NRG1: variants seen among roughly 807,000 people sequenced by gnomAD.
NRG1 encodes neuregulin 1, also known as pro-neuregulin-1, membrane-bound isoform.
In NRG1, 18 loss-of-function variants were observed where a neutral mutation model predicts 63.8. The ratio of observed to expected loss-of-function variants is 0.28; its 90% confidence interval spans 0.19 to 0.42. The LOEUF is 0.42. Among genes scored for constraint, NRG1 ranks in the 10% least tolerant of loss-of-function variants. The pLI, the probability that NRG1 is intolerant of heterozygous loss-of-function variation, is 1.00. For missense variants in NRG1, 762 were observed against 814.7 expected (o/e 0.94, Z 0.79); for synonymous variants, 302 against 301.3 (o/e 1.00, Z -0.02).
At chr8:32,259,445 C>T (rs777036811) in intron 1 of NRG1, among the ~76,000 whole-genome samples, 14 of 152,142 alleles carry the variant, frequency 9.2e-5, no homozygotes, top group Non-Finnish European at 1.6e-4. Flanking sequence ...TTCATCCTTC[C>T]ACCTTCTGCC....
intron 1 of NRG1, among the ~76,000 whole-genome samples, chr8:32,070,614 A>T (rs1294851943): frequency 1.3e-5 from 2 of 151,900 alleles, no homozygotes; most frequent in Non-Finnish European, 2.9e-5. Context: ...TGCTACTGTT[A>T]TTTCTACTTC....
intron 1 of NRG1, among the ~76,000 whole-genome samples, chr8:32,274,222 A>C (rs1851847377): frequency 6.6e-6 from 1 of 152,204 alleles, no homozygotes; most frequent in Admixed American, 6.5e-5. Flanking sequence ...CTCCTTGTGC[A>C]GTTATGTTAC....
chr8:31,759,036 G>T lies in NRG1; in HGVS notation c.37+119605G>T, dbSNP rs967677138. ...TTGGATAACTTTTCTTCTGCTTATT[G>T]GCTACTTACACATCTTCCTTTGTAA... is the stretch of plus-strand genomic sequence containing the variant. On this transcript the variant is annotated intron_variant, in intron 1 of 10. Coordinates refer to the NRG1 transcript ENST00000519301. Among the ~76,000 whole-genome samples the T allele has an allele frequency of 4.6e-5, 7 of 152,096 alleles. No individual in the cohort carries two copies. In the East Asian group the frequency reaches 1.4e-3, roughly 29 times the overall value.
Position 31,824,008 on chromosome 8 carries a change from A to G in NRG1, c.37+184577A>G, listed in dbSNP as rs188272785. Among the ~76,000 whole-genome samples the G allele has an allele frequency of 3.9e-3, 583 of 151,338 alleles. 1 individual carries two copies. Among genetic ancestry groups the G allele is most frequent in the Middle Eastern group, 0.02 (6 of 294 alleles). On this transcript the variant is annotated intron_variant, in intron 1 of 10. Transcript: ENST00000519301. ...AGCTTTTAGCAGTTTCTCTTCTTCT[A>G]TTTCTTTTTTTTTATATTTTTTATT... is the stretch of plus-strand genomic sequence containing the variant.
intron 1 of NRG1, among the ~76,000 whole-genome samples, chr8:31,842,170 T>G (rs1159549902): frequency 6.6e-6 from 1 of 152,260 alleles, no homozygotes; most frequent in Non-Finnish European, 1.5e-5. Flanking sequence ...CTAGGTTCCC[T>G]AATTGTTGGA....
chr8:32,230,253 G>A lies in NRG1; in HGVS notation c.38-365575G>A, dbSNP rs1404546989. On this transcript the variant is annotated intron_variant, in intron 1 of 10. Coordinates refer to the NRG1 transcript ENST00000519301. Reference sequence around the variant, plus strand: ...AATCAAAGTGTGCTAAGGTCAGCTTGGGGCAGCCAACAATTCCTGGAAGGT... The same window carrying A: ...AATCAAAGTGTGCTAAGGTCAGCTTAGGGCAGCCAACAATTCCTGGAAGGT... Among the ~76,000 whole-genome samples the A allele has an allele frequency of 2.6e-5, 4 of 152,182 alleles. No homozygotes were observed. The East Asian group carries it at 7.7e-4, about 29-fold the overall frequency.
intron 1 of NRG1, among the ~76,000 whole-genome samples, chr8:32,498,118 C>T (rs1016886683): frequency 5.9e-5 from 9 of 152,114 alleles, no homozygotes; most frequent in East Asian, 1.9e-4. Flanking sequence ...CCACTGTGCC[C>T]GGCCCCACAA....
At chr8:32,383,914 G>C (rs565332690) in intron 1 of NRG1, among the ~76,000 whole-genome samples, 23 of 152,270 alleles carry the variant, frequency 1.5e-4, no homozygotes, top group African/African-American at 5.5e-4. Flanking sequence ...TAGCCCACAG[G>C]ATGATATGTA....
At chr8:32,342,845 G>A (rs1459612318) in intron 1 of NRG1, among the ~76,000 whole-genome samples, 1 of 152,092 alleles carries the variant, frequency 6.6e-6, no homozygotes, top group Non-Finnish European at 1.5e-5. Flanking sequence ...GAATAAATGA[G>A]GTGTCACCGT....
intron 1 of NRG1, among the ~76,000 whole-genome samples, chr8:32,566,199 A>G (rs895422405): frequency 5.3e-5 from 8 of 152,090 alleles, no homozygotes; most frequent in African/African-American, 7.2e-5. Context: ...TCTACTAAAA[A>G]TACAAAAATT....
intron 1 of NRG1, among the ~76,000 whole-genome samples, chr8:31,951,362 G>A (rs1163423540): frequency 2.0e-5 from 3 of 152,176 alleles, no homozygotes; most frequent in African/African-American, 7.2e-5. Flanking sequence ...GACAAATGGA[G>A]GCAGAGCCCT....
intron 1 of NRG1, among the ~76,000 whole-genome samples, chr8:32,269,072 T>G (rs1253675848): frequency 6.6e-6 from 1 of 152,018 alleles, no homozygotes. Context: ...TTCCCTCTCT[T>G]TTCCTCTCTC....
chr8:32,103,504 G>A (rs1438783939), intron 1 of NRG1, among the ~76,000 whole-genome samples: 1 of 152,192 alleles, frequency 6.6e-6, no homozygotes, highest in African/African-American at 2.4e-5. Flanking sequence ...TGGATGTGCA[G>A]GTATCTCTTT....
At position 32,742,048 on chromosome 8, in the gene NRG1, G is replaced by C; in HGVS notation, c.633-627G>C. ...CACTGGAGCAAGATGTACTGAGAATGTGCCCATGAAAGTCCAAAACCAAGA... is the reference window on the plus strand; with the variant it reads ...CACTGGAGCAAGATGTACTGAGAATCTGCCCATGAAAGTCCAAAACCAAGA... On this transcript the variant is annotated intron_variant, in intron 6 of 11. Transcript: ENST00000356819. The surrounding 1 kb of genome is among the most constrained non-coding windows in gnomAD (Gnocchi z 4.2). The C allele has an allele frequency of 6.2e-7, 1 of 1,613,558 alleles. No individual in the cohort carries two copies. Among genetic ancestry groups the C allele is most frequent in the Non-Finnish European group, 8.5e-7 (1 of 1,179,736 alleles).
At chr8:31,831,268 A>AT (rs578163274) in intron 1 of NRG1, among the ~76,000 whole-genome samples, 79 of 151,714 alleles carry the variant, frequency 5.2e-4, no homozygotes, top group African/African-American at 1.9e-3. Flanking sequence ...TGCCCGGCTA[A>AT]TTTTTTTTGT....
At chr8:31,677,146 C>G (rs776689708) in intron 1 of NRG1, among the ~76,000 whole-genome samples, 39 of 152,080 alleles carry the variant, frequency 2.6e-4, no homozygotes, top group Non-Finnish European at 4.0e-4. Flanking sequence ...TGAAATTTTG[C>G]TTAGGTCTTG....
chr8:32,102,301 C>G (rs1830677390), intron 1 of NRG1, among the ~76,000 whole-genome samples: 1 of 151,990 alleles, frequency 6.6e-6, no homozygotes, highest in Admixed American at 6.6e-5. Flanking sequence ...CCACATCTGG[C>G]TAATTTTTGT....
intron 1 of NRG1, among the ~76,000 whole-genome samples, chr8:32,344,324 C>CTCTTTCTTTCTTTCTTTCTTTCTTTCTT (rs765116407): frequency 9.4e-5 from 6 of 64,096 alleles, no homozygotes; most frequent in African/African-American, 1.7e-4. Flanking sequence ...TTCCTTCTTT[C>CTCTTTCTTTCTTTCTTTCTTTCTTTCTT]TCTTTCTTTC....
intron 1 of NRG1, among the ~76,000 whole-genome samples, chr8:32,032,045 T>C (rs1200721653): frequency 2.6e-5 from 4 of 152,170 alleles, no homozygotes; most frequent in Non-Finnish European, 4.4e-5. Context: ...TCCACAATGA[T>C]TGAACTGGTT....
Sources: gnomAD v4.1 joint callset for allele counts (sites outside exome capture counted in the v4.1 genomes callset) on GRCh38, gnomAD v4.1.1 for gene constraint, Gnocchi (gnomAD v3.1) non-coding constraint, MANE v1.5 for transcripts, NCBI Gene and HGNC (gene_info 2026-07-23, HGNC 2026-07-21) for gene names.